Variants in HTR4 observed in about 807,000 individuals in gnomAD.
HTR4 encodes the protein 5-hydroxytryptamine receptor 4, also known as 5-hydroxytryptamine (serotonin) receptor 4, G protein-coupled.
HTR4 carries 16 observed loss-of-function variants against 36.8 expected under a neutral mutation model. That is an observed-to-expected ratio of 0.43 (90% CI 0.29 to 0.66). HTR4 has a LOEUF of 0.66. Among genes scored for constraint, HTR4 ranks in the 30% least tolerant of loss-of-function variants. The pLI, the probability that HTR4 is intolerant of heterozygous loss-of-function variation, is 0.13. For missense variants in HTR4, 438 were observed against 490.9 expected (o/e 0.89, Z 1.02); for synonymous variants, 189 against 185.1 (o/e 1.02, Z -0.17).
At chr5:148,505,652 G>T (rs1238996794) in intron 6 of HTR4, among the ~76,000 whole-genome samples, 1 of 152,174 alleles carries the variant, frequency 6.6e-6, no homozygotes, top group African/African-American at 2.4e-5. Flanking sequence ...ATCTCCTTAA[G>T]CTGATAGGCA....
chr5:148,477,278 T>C (rs1415248762), downstream of HTR4, among the ~76,000 whole-genome samples: 1 of 152,250 alleles, frequency 6.6e-6, no homozygotes, highest in African/African-American at 2.4e-5. Context: ...ACTTTCTGGC[T>C]GGCCAATAAT....
chr5:148,473,360 G>A (rs1755619899), downstream of HTR4, among the ~76,000 whole-genome samples: 1 of 151,676 alleles, frequency 6.6e-6, no homozygotes, highest in South Asian at 2.1e-4. Flanking sequence ...ATGAAGTGGT[G>A]AGTAGTGAAA....
At chr5:148,560,231 G>A (rs1000734373) in intron 2 of HTR4, among the ~76,000 whole-genome samples, 1 of 147,038 alleles carries the variant, frequency 6.8e-6, no homozygotes, top group African/African-American at 2.5e-5. Context: ...AAAAAGAGGA[G>A]GATTAAATAA....
intron 5 of HTR4, among the ~76,000 whole-genome samples, chr5:148,521,414 T>A (rs192458159): frequency 6.6e-6 from 1 of 152,134 alleles, no homozygotes; most frequent in Non-Finnish European, 1.5e-5. Flanking sequence ...AAGGCTTGAA[T>A]AGGAGGGAAC....
chr5:148,556,442 T>G (rs888547822), intron 2 of HTR4, among the ~76,000 whole-genome samples: 5 of 152,226 alleles, frequency 3.3e-5, no homozygotes, highest in Admixed American at 2.0e-4. Flanking sequence ...TTGAGAAAGT[T>G]AGATTAAATT....
intron 2 of HTR4, among the ~76,000 whole-genome samples, chr5:148,570,429 T>C (rs560768314): frequency 1.3e-5 from 2 of 152,160 alleles, no homozygotes; most frequent in African/African-American, 2.4e-5. Flanking sequence ...CAAGGTAACA[T>C]TGACCCTGAT....
intron 1 of HTR4, among the ~76,000 whole-genome samples, chr5:148,639,548 A>T (rs1391045245): frequency 2.7e-5 from 4 of 150,302 alleles, no homozygotes; most frequent in African/African-American, 9.8e-5. Context: ...CTCAACACCT[A>T]ACTACAATTT....
At chr5:148,604,355 C>A (rs1214725284) in intron 2 of HTR4, among the ~76,000 whole-genome samples, 1 of 151,874 alleles carries the variant, frequency 6.6e-6, no homozygotes, top group Admixed American at 6.6e-5. Context: ...AAGACTTGAA[C>A]AAAATCTTCA....
Position 148,482,862 on chromosome 5 carries a change from GC to G in HTR4, c.*340del, listed in dbSNP as rs1166234544. 3.5e-6 allele frequency: 4 copies of G among 1,157,658 alleles called. No homozygotes were observed. Among genetic ancestry groups the G allele is most frequent in the Non-Finnish European group, 4.3e-6 (4 of 930,450 alleles). The allele number at this position is 1,157,658 out of a possible 1,614,324, so 71.7% of individuals were successfully genotyped here. A position where few individuals can be genotyped will look rare whatever the true frequency, so the allele number is the denominator to read the frequency against. On this transcript the variant is annotated 3_prime_UTR_variant, in exon 7 of 7. Transcript: ENST00000377888. ...ACATCAGTGACCGAGATAGGACGCAGCAAGCTATCGTGCTTAGAACGTGAGT... is the reference window on the plus strand; with the variant it reads ...ACATCAGTGACCGAGATAGGACGCAGAAGCTATCGTGCTTAGAACGTGAGT...
chr5:148,466,047 C>T, intron 5 of HTR4: 2 of 1,514,796 alleles, frequency 1.3e-6, no homozygotes, highest in Non-Finnish European at 1.8e-6. Flanking sequence ...ATAAGCTTGC[C>T]AATATTCTTA....
chr5:148,636,207 G>A (rs1753529643), intron 2 of HTR4, among the ~76,000 whole-genome samples: 1 of 152,174 alleles, frequency 6.6e-6, no homozygotes, highest in South Asian at 2.1e-4. Flanking sequence ...TATGTCAAAT[G>A]CAGAGGCACA....
chr5:148,617,463 CT>C (rs771471445), intron 2 of HTR4, among the ~76,000 whole-genome samples: 2 of 134,688 alleles, frequency 1.5e-5, no homozygotes, highest in Non-Finnish European at 3.4e-5. Context: ...AAGTCTCTCT[CT>C]TTTGTTTTTT....
At chr5:148,476,680 GT>G (rs937927139), downstream of HTR4, 304 of 1,591,980 alleles carry the variant, frequency 1.9e-4, no homozygotes, top group Non-Finnish European at 2.4e-4. Context: ...ACAAAAACCT[GT>G]GTTGGGCACT....
intron 4 of HTR4, 101 bp from the exon 5 acceptor site, chr5:148,523,447 G>A (rs886808721): frequency 2.3e-6 from 2 of 862,296 alleles, no homozygotes; most frequent in Non-Finnish European, 3.4e-6. Flanking sequence ...AAGAGGGGAT[G>A]GAGCAAGGGA....
chr5:148,557,390 A>T (rs1474452904), intron 2 of HTR4, among the ~76,000 whole-genome samples: 1 of 152,212 alleles, frequency 6.6e-6, no homozygotes, highest in African/African-American at 2.4e-5. Context: ...ATCTGAATAA[A>T]TGTTGGTACA....
Position 148,468,032 on chromosome 5 carries a change from G to A in HTR4, c.1077-16760C>T, listed in dbSNP as rs756672630. Reference sequence around the variant, plus strand: ...GTCAGTCTTCCCATTCTTAAGTTTGGATATGTTTGGTACAGGTAGGGCCTT... The same window carrying A: ...GTCAGTCTTCCCATTCTTAAGTTTGAATATGTTTGGTACAGGTAGGGCCTT... On this transcript the variant is annotated intron_variant, in intron 5 of 5. Transcript: ENST00000521530. 5.0e-4 allele frequency among the ~76,000 whole-genome samples: 76 copies of A among 152,180 alleles called. 1 individual carries two copies. The highest frequency in any genetic ancestry group is 7.9e-4 in the Non-Finnish European group (54 of 68,030).
intron 1 of HTR4, among the ~76,000 whole-genome samples, chr5:148,637,863 G>T (rs1753599777): frequency 6.6e-6 from 1 of 152,034 alleles, no homozygotes; most frequent in Admixed American, 6.5e-5. Flanking sequence ...GCAGGGTCCG[G>T]CTGTCTCTTC....
At chr5:148,644,415 C>T (rs1481298952) in intron 1 of HTR4, among the ~76,000 whole-genome samples, 2 of 130,456 alleles carry the variant, frequency 1.5e-5, no homozygotes, top group Admixed American at 8.4e-5. Flanking sequence ...AGGTCTCAAG[C>T]TCACAAGTTT....
intron 2 of HTR4, among the ~76,000 whole-genome samples, chr5:148,620,708 C>A (rs758278798): frequency 6.6e-6 from 1 of 152,206 alleles, no homozygotes; most frequent in African/African-American, 2.4e-5. Flanking sequence ...TTTAAAATCA[C>A]ATATGTGGCT....
Sources: allele counts gnomAD v4.1 joint callset (sites outside exome capture counted in the v4.1 genomes callset), GRCh38; gene constraint gnomAD v4.1.1; transcripts MANE v1.5; gene names NCBI Gene and HGNC (gene_info 2026-07-23, HGNC 2026-07-21).